The following UNC13C variants were observed in gnomAD, a reference collection of about 807,000 sequenced individuals.
UNC13C encodes protein unc-13 homolog C.
Under a neutral mutation model 245.4 loss-of-function variants are expected in UNC13C, and 174 were observed. That is an observed-to-expected ratio of 0.71 (90% confidence interval 0.63 to 0.80). The LOEUF (loss-of-function observed/expected upper bound fraction) is 0.80, where lower values mean the gene tolerates loss of function less well. Ranked by LOEUF, UNC13C falls within the 30% of genes least tolerant of loss-of-function variation. The probability of loss-of-function intolerance (pLI) is 0.00; values close to 1 mark genes in which losing one functional copy is unlikely to be tolerated. For missense variants in UNC13C, 2,829 were observed against 2,602.9 expected, an observed-to-expected ratio of 1.09 and a Z score of -1.89; for synonymous variants, 992 against 895.1, an observed-to-expected ratio of 1.11 and a Z score of -1.93.
intron 18 of UNC13C, among the ~76,000 whole-genome samples, chr15:54,401,943 T>G (rs1424200295): frequency 6.6e-6 from 1 of 152,130 alleles, no homozygotes; most frequent in African/African-American, 2.4e-5. Flanking sequence ...ACTTTTTAAT[T>G]ATTTGTAGTT....
chr15:54,460,046 C>T (rs559036166), intron 19 of UNC13C, among the ~76,000 whole-genome samples: 11 of 152,234 alleles, frequency 7.2e-5, no homozygotes, highest in South Asian at 6.2e-4. Context: ...GACAGATCTG[C>T]GGCTCAAACT....
intron 7 of UNC13C, among the ~76,000 whole-genome samples, chr15:54,240,693 G>A (rs73411926): frequency 0.22 from 33,067 of 151,964 alleles, 5,677 homozygotes; most frequent in African/African-American, 0.47. Flanking sequence ...GACTGATTGA[G>A]AATCTCAGCT....
At chr15:54,592,990 G>A (rs1898884149) in intron 30 of UNC13C, among the ~76,000 whole-genome samples, 1 of 151,370 alleles carries the variant, frequency 6.6e-6, no homozygotes, top group African/African-American at 2.4e-5. Context: ...AGCAGTTCTT[G>A]TAGTGATGGC....
intron 30 of UNC13C, among the ~76,000 whole-genome samples, chr15:54,579,003 G>A (rs974635944): frequency 6.6e-6 from 1 of 152,180 alleles, no homozygotes; most frequent in Non-Finnish European, 1.5e-5. Context: ...GACAAGACAG[G>A]AGCAGACAGA....
chr15:54,621,158 T>C (rs1484116820), intron 30 of UNC13C, among the ~76,000 whole-genome samples: 3 of 152,206 alleles, frequency 2.0e-5, no homozygotes, highest in Non-Finnish European at 4.4e-5. Context: ...TCTCTCAAGA[T>C]AGAAACTGAA....
the UNC13C span, among the ~76,000 whole-genome samples, chr15:53,941,186 C>A: frequency 2.0e-5 from 3 of 151,748 alleles, no homozygotes; most frequent in Admixed American, 2.0e-4. Flanking sequence ...ACAAACCTGG[C>A]AAAAGCAATG....
chr15:53,970,052 CT>C, the UNC13C span, among the ~76,000 whole-genome samples: 287 of 143,248 alleles, frequency 2.0e-3, no homozygotes, highest in Admixed American at 2.9e-3. Flanking sequence ...ACAAGTTTTC[CT>C]TTTTTTTTTT....
chr15:54,570,406 C>T (rs1897703854), intron 30 of UNC13C, among the ~76,000 whole-genome samples: 1 of 152,122 alleles, frequency 6.6e-6, no homozygotes, highest in Non-Finnish European at 1.5e-5. Context: ...TCCACTACTA[C>T]CCACTTTCTC....
chr15:54,426,222 G>A (rs2040756355), intron 19 of UNC13C, among the ~76,000 whole-genome samples: 1 of 150,948 alleles, frequency 6.6e-6, no homozygotes, highest in Middle Eastern at 3.2e-3. Context: ...ATTTCACTGG[G>A]TCCTCTGTCC....
At chr15:53,960,441 TC>T in the UNC13C span, among the ~76,000 whole-genome samples, 1 of 152,204 alleles carries the variant, frequency 6.6e-6, no homozygotes, top group Admixed American at 6.5e-5. Context: ...TTTGTCTTGT[TC>T]AAAGTTTTAT....
At chr15:54,163,759 T>C (rs1412783335) in intron 4 of UNC13C, among the ~76,000 whole-genome samples, 1 of 152,244 alleles carries the variant, frequency 6.6e-6, no homozygotes, top group Non-Finnish European at 1.5e-5. Context: ...GATCACCATC[T>C]TTTTTGTAAT....
the UNC13C span, among the ~76,000 whole-genome samples, chr15:53,945,106 G>A: frequency 6.6e-6 from 1 of 151,530 alleles, no homozygotes; most frequent in Non-Finnish European, 1.5e-5. Flanking sequence ...TGTTAATGGG[G>A]TTATTATTTT....
chr15:53,907,350 T>C, the UNC13C span, among the ~76,000 whole-genome samples: 1 of 152,184 alleles, frequency 6.6e-6, no homozygotes, highest in African/African-American at 2.4e-5. Flanking sequence ...TAAAACACAA[T>C]GTACCAAAAA....
At chr15:54,100,802 C>T (rs1258128022) in intron 2 of UNC13C, among the ~76,000 whole-genome samples, 1 of 152,056 alleles carries the variant, frequency 6.6e-6, no homozygotes, top group East Asian at 1.9e-4. Context: ...ATGCCATCAT[C>T]TCTTTTGGTG....
chr15:53,888,957 G>A, the UNC13C span, among the ~76,000 whole-genome samples: 6 of 152,076 alleles, frequency 3.9e-5, no homozygotes, highest in African/African-American at 9.7e-5. Flanking sequence ...CTGTAGCCTC[G>A]TAGTATTGTT....
chr15:53,959,119 C>T, the UNC13C span, among the ~76,000 whole-genome samples: 3 of 152,128 alleles, frequency 2.0e-5, no homozygotes, highest in African/African-American at 7.2e-5. Context: ...CTGTAAATGA[C>T]AGGATTTCAT....
At chr15:54,473,735 G>GTT (rs202192040) in intron 19 of UNC13C, among the ~76,000 whole-genome samples, 5 of 150,096 alleles carry the variant, frequency 3.3e-5, no homozygotes, top group South Asian at 2.1e-4. Context: ...TCTTTTTTTA[G>GTT]TTTTTTTTTA....
At chr15:53,868,410 T>C in the UNC13C span, among the ~76,000 whole-genome samples, 2 of 152,132 alleles carry the variant, frequency 1.3e-5, no homozygotes, top group Non-Finnish European at 2.9e-5. Flanking sequence ...TGGAAAAAAT[T>C]CACTGGAGGA....
intron 7 of UNC13C, among the ~76,000 whole-genome samples, chr15:54,241,739 C>T (rs968293820): frequency 3.3e-5 from 5 of 152,204 alleles, no homozygotes; most frequent in African/African-American, 1.2e-4. Flanking sequence ...CAGTGGCCGG[C>T]ATGGCAGGTG....
Sources: gnomAD v4.1 joint callset for allele counts (sites outside exome capture counted in the v4.1 genomes callset) on GRCh38, gnomAD v4.1.1 for gene constraint, MANE v1.5 for transcripts, NCBI Gene and HGNC (gene_info 2026-07-23, HGNC 2026-07-21) for gene names.